LGSN: variants seen among roughly 807,000 people sequenced by gnomAD.
LGSN encodes lengsin, lens protein with glutamine synthetase domain, also known as lengsin.
A neutral mutation model predicts 19.5 loss-of-function variants in LGSN; 21 were observed. That is an observed-to-expected ratio of 1.07 (90% CI 0.76 to 1.55). The LOEUF (loss-of-function observed/expected upper bound fraction) is 1.55, where lower values mean the gene tolerates loss of function less well. Among genes scored for constraint, LGSN ranks in the 40% most tolerant of loss-of-function variants. LGSN has a pLI of 0.00. For synonymous variants in LGSN, 257 were observed against 215.6 expected (o/e 1.19, Z -1.68); for missense variants, 673 against 608.5 (o/e 1.11, Z -1.12).
At chr6:63,408,396 C>A in the LGSN span, among the ~76,000 whole-genome samples, 1 of 147,192 alleles carries the variant, frequency 6.8e-6, no homozygotes, top group African/African-American at 2.6e-5. Flanking sequence ...ACTATCTGAT[C>A]TTTGACAAAC....
the LGSN span, among the ~76,000 whole-genome samples, chr6:63,394,760 T>G: frequency 6.6e-6 from 1 of 152,224 alleles, no homozygotes; most frequent in South Asian, 2.1e-4. Flanking sequence ...CCGGTAACAC[T>G]GGGGCCCAAT....
chr6:63,378,268 G>T, the LGSN span, among the ~76,000 whole-genome samples: 1 of 152,036 alleles, frequency 6.6e-6, no homozygotes, highest in Admixed American at 6.6e-5. Context: ...CACAGCAGGG[G>T]AACAGACATC....
chr6:63,455,799 G>T, the LGSN span, among the ~76,000 whole-genome samples: 9 of 152,108 alleles, frequency 5.9e-5, no homozygotes, highest in Non-Finnish European at 1.2e-4. Flanking sequence ...TGGCCCAGAG[G>T]CACAGTGGCT....
chr6:63,333,796 A>T, the LGSN span, among the ~76,000 whole-genome samples: 1 of 152,230 alleles, frequency 6.6e-6, no homozygotes, highest in East Asian at 1.9e-4. Flanking sequence ...AGTGGGACTT[A>T]TACTGTGGGT....
the LGSN span, among the ~76,000 whole-genome samples, chr6:63,493,221 T>C: frequency 6.6e-6 from 1 of 152,184 alleles, no homozygotes. Context: ...AGACCCCGGG[T>C]TGGTTTAAAA....
the LGSN span, among the ~76,000 whole-genome samples, chr6:63,402,161 CG>C: frequency 1.3e-4 from 20 of 152,036 alleles, no homozygotes; most frequent in African/African-American, 4.1e-4. Context: ...ATTTGGCTCA[CG>C]AAAGAAATAT....
the LGSN span, among the ~76,000 whole-genome samples, chr6:63,369,511 G>A: frequency 2.6e-4 from 39 of 152,306 alleles, no homozygotes; most frequent in East Asian, 6.8e-3. Context: ...AAGCACTGAT[G>A]CCCAGTCTTC....
At chr6:63,490,493 C>G in the LGSN span, among the ~76,000 whole-genome samples, 4 of 152,168 alleles carry the variant, frequency 2.6e-5, no homozygotes, top group African/African-American at 4.8e-5. Flanking sequence ...AATTTTGCCA[C>G]ATGACATGGA....
the LGSN span, among the ~76,000 whole-genome samples, chr6:63,353,227 C>T: frequency 1.1e-4 from 16 of 152,080 alleles, no homozygotes; most frequent in South Asian, 1.2e-3. Context: ...GTCAGTAACA[C>T]CAAAGGGGAA....
At chr6:63,437,246 C>A in the LGSN span, among the ~76,000 whole-genome samples, 5 of 151,894 alleles carry the variant, frequency 3.3e-5, no homozygotes, top group East Asian at 9.7e-4. Flanking sequence ...AGGAAAGGAA[C>A]TGCACCAAAA....
chr6:63,523,998 T>C, the LGSN span, among the ~76,000 whole-genome samples: 1 of 152,182 alleles, frequency 6.6e-6, no homozygotes, highest in South Asian at 2.1e-4. Flanking sequence ...CTTTTTTTTT[T>C]CTGGAGACAG....
the LGSN span, among the ~76,000 whole-genome samples, chr6:63,430,326 T>C: frequency 9.2e-5 from 14 of 152,172 alleles, no homozygotes; most frequent in Non-Finnish European, 1.8e-4. Flanking sequence ...GGTCTCTGGG[T>C]GCTTCATTGA....
the LGSN span, among the ~76,000 whole-genome samples, chr6:63,406,142 C>T: frequency 2.6e-5 from 4 of 152,096 alleles, no homozygotes; most frequent in African/African-American, 9.7e-5. Context: ...AACAAGGATA[C>T]CCAGGAATTG....
At chr6:63,323,020 G>C (rs538221650), upstream of LGSN, among the ~76,000 whole-genome samples, 51 of 152,270 alleles carry the variant, frequency 3.3e-4, no homozygotes, top group South Asian at 0.01. Flanking sequence ...TTTAAAACTA[G>C]TTTAAAATCA....
the LGSN span, among the ~76,000 whole-genome samples, chr6:63,358,371 A>G: frequency 6.6e-6 from 1 of 152,230 alleles, no homozygotes; most frequent in Admixed American, 6.5e-5. Context: ...CTGTGAAGAA[A>G]GTCATTGGTA....
the LGSN span, among the ~76,000 whole-genome samples, chr6:63,491,759 G>A: frequency 1.3e-5 from 2 of 152,144 alleles, no homozygotes; most frequent in African/African-American, 4.8e-5. Context: ...GGCCGGGCGC[G>A]GTGGCTCACG....
At chr6:63,521,741 C>T in the LGSN span, 1 of 152,270 alleles carries the variant, frequency 6.6e-6, no homozygotes, top group Admixed American at 6.5e-5. Context: ...CTTTCTGACC[C>T]TCCCAGGACT....
At chr6:63,516,772 A>G in the LGSN span, among the ~76,000 whole-genome samples, 1 of 152,216 alleles carries the variant, frequency 6.6e-6, no homozygotes, top group Admixed American at 6.5e-5. Context: ...AAGTATTCTT[A>G]AAGAAAGGGG....
intron 1 of LGSN, among the ~76,000 whole-genome samples, chr6:63,298,584 T>A (rs1768069752): frequency 6.6e-6 from 1 of 152,156 alleles, no homozygotes; most frequent in East Asian, 1.9e-4. Context: ...CAAAACCAAT[T>A]TTCAATATAA....
Sources: gnomAD v4.1 joint callset for allele counts (sites outside exome capture counted in the v4.1 genomes callset) on GRCh38, gnomAD v4.1.1 for gene constraint, MANE v1.5 for transcripts, NCBI Gene and HGNC (gene_info 2026-07-23, HGNC 2026-07-21) for gene names.